RASGEF1C: variants seen among roughly 807,000 people sequenced by gnomAD.
RASGEF1C encodes ras-GEF domain-containing family member 1C.
A neutral mutation model predicts 58.1 loss-of-function variants in RASGEF1C; 27 were observed. The observed-to-expected ratio is 0.46, with a 90% CI of 0.34 to 0.64. The LOEUF (loss-of-function observed/expected upper bound fraction) is 0.64, where lower values mean the gene tolerates loss of function less well. Among genes scored for constraint, RASGEF1C ranks in the 30% least tolerant of loss-of-function variants. The pLI, the probability that RASGEF1C is intolerant of heterozygous loss-of-function variation, is 0.01. For synonymous variants in RASGEF1C, 243 were observed against 246.3 expected (o/e 0.99, Z 0.13); for missense variants, 502 against 605.1 (o/e 0.83, Z 1.79).
chr5:180,135,698 T>G (rs562191724), intron 4 of RASGEF1C, among the ~76,000 whole-genome samples: 1 of 152,272 alleles, frequency 6.6e-6, no homozygotes, highest in South Asian at 2.1e-4. Flanking sequence ...AAAGCAGGTG[T>G]GGGCCACAGC....
At chr5:180,136,250 C>T in intron 4 of RASGEF1C, 128 bp downstream of exon 4, 2 of 979,500 alleles carry the variant, frequency 2.0e-6, no homozygotes, top group Non-Finnish European at 2.9e-6. Context: ...GGCCAGAAAG[C>T]GGCTGGATTT....
intron 1 of RASGEF1C, among the ~76,000 whole-genome samples, chr5:180,191,402 G>T (rs1241069359): frequency 2.0e-5 from 3 of 151,856 alleles, no homozygotes; most frequent in Admixed American, 6.6e-5. Context: ...TGTCGCCCAG[G>T]CTGGAGTGCA....
In RASGEF1C at chr5:180,204,763, C is replaced by T. The variant is rs138694676; in HGVS notation, c.-7+4265G>A. Among the ~76,000 whole-genome samples the T allele has an allele frequency of 1.3e-3, 193 of 152,250 alleles. 1 individual carries two copies. The highest frequency in any genetic ancestry group is 4.5e-3 in the African/African-American group (185 of 41,544). The stretch of plus-strand genomic sequence containing the variant: ...AGGAACAAGGTAAGGAGGCCCACCA[C>T]ATCCAATATTTAATACTGAATTGGA... On this transcript the variant is annotated intron_variant, in intron 1 of 13. Transcript: ENST00000361132.
chr5:180,201,519 A>G (rs56342752), intron 1 of RASGEF1C, among the ~76,000 whole-genome samples: 6,406 of 152,288 alleles, frequency 0.042, 193 homozygotes, highest in East Asian at 0.096. Flanking sequence ...CAGTCCAGGC[A>G]AATTAAGACA....
chr5:180,189,548 TAG>T (rs968985941), intron 1 of RASGEF1C, among the ~76,000 whole-genome samples: 1 of 152,044 alleles, frequency 6.6e-6, no homozygotes, highest in African/African-American at 2.4e-5. Context: ...CAACTAGAAA[TAG>T]AGTCACAAAT....
chr5:180,137,445 G>T lies in RASGEF1C; in HGVS notation c.300+145C>A. The T allele has an allele frequency of 9.0e-7, 1 of 1,116,584 alleles. No individual in the cohort carries two copies. The highest frequency in any genetic ancestry group is 1.3e-6 in the Non-Finnish European group (1 of 776,160). The allele number at this position is 1,116,584 out of a possible 1,614,324, so 69.2% of individuals were successfully genotyped here. Reference sequence around the variant, plus strand: ...CCTGTTCTGCTCCTTCTGGCTCTGGGCCTCAGACAAGGTGGAAACACCCGG... The same window carrying T: ...CCTGTTCTGCTCCTTCTGGCTCTGGTCCTCAGACAAGGTGGAAACACCCGG... On this transcript the variant is annotated intron_variant, in intron 3 of 13. Transcript: ENST00000361132. This position sits in a 1 kb window ranked among gnomAD's most constrained non-coding sequence, Gnocchi z 4.1.
At chr5:180,203,862 G>A (rs1756442348) in intron 1 of RASGEF1C, among the ~76,000 whole-genome samples, 1 of 152,090 alleles carries the variant, frequency 6.6e-6, no homozygotes, top group African/African-American at 2.4e-5. Context: ...GCATGGTGGT[G>A]CACGCCTGTA....
chr5:180,104,919 T>C (rs993726717), intron 12 of RASGEF1C, among the ~76,000 whole-genome samples: 2 of 152,216 alleles, frequency 1.3e-5, no homozygotes, highest in African/African-American at 4.8e-5. Flanking sequence ...GTTAGTGATA[T>C]CCTGTTTTAC....
rs745611293 is a variant in RASGEF1C, at chr5:180,155,989, CTATTAT to C, written c.-6-17937_-6-17932del. Among the ~76,000 whole-genome samples the C allele has an allele frequency of 6.6e-6, 1 of 152,078 alleles. No individual in the cohort carries two copies. The highest frequency in any genetic ancestry group is 1.5e-5 in the Non-Finnish European group (1 of 68,004). On this transcript the variant is annotated intron_variant, in intron 1 of 13. Coordinates refer to ENST00000361132, the MANE Select transcript of RASGEF1C (RefSeq NM_175062.4). This position sits in a 1 kb window ranked among gnomAD's most constrained non-coding sequence, Gnocchi z 5.2. ...CCTGGGCTTTGCTTCGAGACAATTA[CTATTAT>C]TATTATTACAGCATGAACATCTGTT...
chr5:180,208,325 C>T (rs573026437), intron 1 of RASGEF1C, among the ~76,000 whole-genome samples: 3 of 152,292 alleles, frequency 2.0e-5, no homozygotes, highest in South Asian at 4.1e-4. Context: ...ACCCCAACTT[C>T]CCAGCTCTGT....
At position 180,102,118 on chromosome 5, in the gene RASGEF1C, A is replaced by G. The variant is rs149956968; in HGVS notation, c.1329T>C (p.Ser443=). Residue 443 remains serine (S), a synonymous_variant, in exon 13 of 14, where the codon AGT becomes AGC. Coordinates refer to ENST00000361132, the MANE Select transcript of RASGEF1C (RefSeq NM_175062.4). ...EDGLYLASYE[S]ESPENQTEKE... ...TTTCTGTTTGGTTCTCTGGGCTCTC[A>G]CTTTCGTAAGAAGCCAAATAAAGAC... 1.0e-3 allele frequency: 1,668 copies of G among 1,601,164 alleles called. 17 individuals carry two copies. In the African/African-American group the frequency reaches 0.02, roughly 19 times the overall value.
chr5:180,177,155 G>A lies in RASGEF1C; in HGVS notation c.-7+31873C>T, dbSNP rs1444142092. Among the ~76,000 whole-genome samples the A allele has an allele frequency of 6.6e-6, 1 of 152,168 alleles. No homozygotes were observed. Among genetic ancestry groups the A allele is most frequent in the Non-Finnish European group, 1.5e-5 (1 of 68,030 alleles). ...AGCCTGACGGAGGGGCTGGATGAGG[G>A]GCAGTGGGATGGGGGGCTGGCTGGG... On this transcript the variant is annotated intron_variant, in intron 1 of 13. Coordinates refer to ENST00000361132, the MANE Select transcript of RASGEF1C (RefSeq NM_175062.4). The surrounding 1 kb of genome is among the most constrained non-coding windows in gnomAD (Gnocchi z 5.0).
At chr5:180,118,908 A>G (rs781772374) in intron 8 of RASGEF1C, 42 bp from the exon 9 acceptor site, 3 of 1,583,256 alleles carry the variant, frequency 1.9e-6, no homozygotes, top group South Asian at 1.1e-5. Flanking sequence ...CTCCTGGGAC[A>G]GGGGGGCCTC....
intron 1 of RASGEF1C, among the ~76,000 whole-genome samples, chr5:180,193,839 GACAAAGTCCCCAT>G (rs1756212518): frequency 2.3e-5 from 3 of 132,052 alleles, no homozygotes; most frequent in African/African-American, 7.5e-5. Flanking sequence ...AGTTTACGCA[GACAAAGTCCCCAT>G]CAGTCCAGGA....
intron 13 of RASGEF1C, 109 bp from the exon 14 acceptor site, chr5:180,101,634 C>T: frequency 1.4e-6 from 2 of 1,394,956 alleles, no homozygotes; most frequent in Non-Finnish European, 2.0e-6. Context: ...AGCCAGCCTC[C>T]TGCCCCAGAG....
Position 180,118,601 on chromosome 5 carries a change from C to T in RASGEF1C, c.1083+8G>A, listed in dbSNP as rs200460338. 1,054 of 1,601,618 alleles carry T rather than the reference C, an allele frequency of 6.6e-4. No homozygotes were observed. The highest frequency in any genetic ancestry group is 7.9e-4 in the Non-Finnish European group (931 of 1,173,876). On this transcript the variant is annotated splice_region_variant and intron_variant, in intron 10 of 13. Transcript: ENST00000361132. ...CAGCCCCCCTGGGCCAACGTGGCCCCGACCTACCTTCTCTCGGCTGCTGTG... is the reference window on the plus strand; with the variant it reads ...CAGCCCCCCTGGGCCAACGTGGCCCTGACCTACCTTCTCTCGGCTGCTGTG...
intron 4 of RASGEF1C, among the ~76,000 whole-genome samples, chr5:180,131,618 G>A (rs1378841671): frequency 2.0e-5 from 3 of 152,296 alleles, no homozygotes; most frequent in East Asian, 1.9e-4. Context: ...ATGAAGGGCC[G>A]TAGCTGGCTC....
At chr5:180,108,963 G>A (rs1765912150) in intron 12 of RASGEF1C, among the ~76,000 whole-genome samples, 1 of 152,222 alleles carries the variant, frequency 6.6e-6, no homozygotes, top group African/African-American at 2.4e-5. Flanking sequence ...AGTTTTGTCT[G>A]TGTTAACTGC....
intron 1 of RASGEF1C, among the ~76,000 whole-genome samples, chr5:180,182,348 A>C (rs1471191883): frequency 6.6e-6 from 1 of 151,502 alleles, no homozygotes; most frequent in African/African-American, 2.4e-5. Flanking sequence ...GAAGCCGCGG[A>C]CCTTCACGGT....
Sources: allele counts gnomAD v4.1 joint callset (sites outside exome capture counted in the v4.1 genomes callset), GRCh38; gene constraint gnomAD v4.1.1; non-coding constraint Gnocchi (gnomAD v3.1); transcripts MANE v1.5; gene names NCBI Gene and HGNC (gene_info 2026-07-23, HGNC 2026-07-21).